The following RELN variants were observed in gnomAD, a reference collection of about 807,000 sequenced individuals.
The protein encoded by RELN is reelin.
A neutral mutation model predicts 427.6 loss-of-function variants in RELN; 108 were observed. The ratio of observed to expected loss-of-function variants is 0.25; its 90% confidence interval spans 0.22 to 0.30. The LOEUF (loss-of-function observed/expected upper bound fraction) is 0.30, where lower values mean the gene tolerates loss of function less well. Among genes scored for constraint, RELN ranks in the 10% least tolerant of loss-of-function variants. The pLI is 1.00. For missense variants in RELN, 3,715 were observed against 4,302.8 expected, an observed-to-expected ratio of 0.86 and a Z score of 3.82; for synonymous variants, 1,524 against 1,513.4, an observed-to-expected ratio of 1.01 and a Z score of -0.16.
intron 6 of RELN, among the ~76,000 whole-genome samples, chr7:103,729,648 A>T (rs1224455322): frequency 6.6e-6 from 1 of 152,214 alleles, no homozygotes; most frequent in Non-Finnish European, 1.5e-5. Context: ...CAACAGCAGT[A>T]GCTTCGTAAG....
chr7:103,746,649 A>G (rs1191023664), intron 6 of RELN, among the ~76,000 whole-genome samples: 9 of 152,232 alleles, frequency 5.9e-5, no homozygotes, highest in Admixed American at 2.0e-4. Flanking sequence ...TGCAGCCAAC[A>G]GATACATGAA....
chr7:103,685,131 C>T (rs1833738037), intron 10 of RELN, among the ~76,000 whole-genome samples: 1 of 152,144 alleles, frequency 6.6e-6, no homozygotes, highest in African/African-American at 2.4e-5. Flanking sequence ...TCTGATGCCA[C>T]TTTTCTTACA....
intron 1 of RELN, among the ~76,000 whole-genome samples, chr7:103,929,839 G>C (rs993369118): frequency 6.6e-6 from 1 of 152,230 alleles, no homozygotes; most frequent in Non-Finnish European, 1.5e-5. Flanking sequence ...ACAAGCATTT[G>C]ACTTCAACGC....
chr7:103,709,597 A>G (rs1789739860), intron 8 of RELN, among the ~76,000 whole-genome samples: 1 of 152,220 alleles, frequency 6.6e-6, no homozygotes, highest in Admixed American at 6.5e-5. Flanking sequence ...AGCCTCTACT[A>G]CTACCCATGG....
At chr7:103,479,598 T>G (rs1828159067) in intron 63 of RELN, among the ~76,000 whole-genome samples, 1 of 152,210 alleles carries the variant, frequency 6.6e-6, no homozygotes. Context: ...AGAGACTGCT[T>G]GTTAAATGCT....
chr7:103,736,248 T>C (rs961430191), intron 6 of RELN, among the ~76,000 whole-genome samples: 1 of 152,202 alleles, frequency 6.6e-6, no homozygotes, highest in Non-Finnish European at 1.5e-5. Flanking sequence ...TTTTACAATA[T>C]AGCTGTTTTA....
intron 52 of RELN, among the ~76,000 whole-genome samples, chr7:103,501,191 A>G (rs1222178719): frequency 6.6e-6 from 1 of 152,222 alleles, no homozygotes; most frequent in Non-Finnish European, 1.5e-5. Flanking sequence ...AATAAATAGA[A>G]ATATTTAAAT....
In RELN at chr7:103,833,735, T is replaced by A. The variant is rs1793330890; in HGVS notation, c.338-63A>T. The A allele has an allele frequency of 1.0e-5, 15 of 1,469,186 alleles. No homozygotes were observed. The South Asian group carries it at 1.8e-4, about 17-fold the overall frequency. The allele number at this position is 1,469,186 out of a possible 1,614,324, so 91.0% of individuals were successfully genotyped here. On this transcript the variant is annotated intron_variant, in intron 2 of 64. Transcript: ENST00000428762. ...AAACAAAGATCTTCCTATCATGGCATCACAGTATTTTCTGAATATTTTTCT... is the reference window on the plus strand; with the variant it reads ...AAACAAAGATCTTCCTATCATGGCAACACAGTATTTTCTGAATATTTTTCT...
chr7:103,964,051 T>C (rs748588113), intron 1 of RELN, among the ~76,000 whole-genome samples: 1 of 151,940 alleles, frequency 6.6e-6, no homozygotes. Flanking sequence ...CCCAGCTACA[T>C]GAGAGGCTAA....
At chr7:103,499,129 C>G (rs1395164573) in intron 53 of RELN, among the ~76,000 whole-genome samples, 1 of 152,102 alleles carries the variant, frequency 6.6e-6, no homozygotes, top group African/African-American at 2.4e-5. Flanking sequence ...CTATATAAGT[C>G]AAAAGAAAGT....
chr7:103,798,526 G>T (rs1486636647), intron 3 of RELN, among the ~76,000 whole-genome samples: 1 of 152,048 alleles, frequency 6.6e-6, no homozygotes. Flanking sequence ...AGAATATAGC[G>T]GTTTGGCCTG....
intron 3 of RELN, among the ~76,000 whole-genome samples, chr7:103,804,747 CCTTAAT>C (rs1792555015): frequency 6.6e-6 from 1 of 152,078 alleles, no homozygotes; most frequent in African/African-American, 2.4e-5. Context: ...AAATCAAACT[CCTTAAT>C]CTTAAATATT....
At chr7:103,796,598 G>C (rs1236317755) in intron 3 of RELN, among the ~76,000 whole-genome samples, 1 of 152,148 alleles carries the variant, frequency 6.6e-6, no homozygotes, top group Non-Finnish European at 1.5e-5. Flanking sequence ...TCTGGGTGTG[G>C]TGACGAACGA....
intron 2 of RELN, among the ~76,000 whole-genome samples, chr7:103,872,059 TATTTA>T (rs1331859734): frequency 1.4e-5 from 2 of 144,618 alleles, no homozygotes; most frequent in South Asian, 2.1e-4. Context: ...TTTCTTTTTT[TATTTA>T]TTTATTTTTT....
chr7:103,780,495 C>T (rs1791861414), intron 3 of RELN, among the ~76,000 whole-genome samples: 1 of 152,164 alleles, frequency 6.6e-6, no homozygotes, highest in Non-Finnish European at 1.5e-5. Flanking sequence ...TACTTCATCA[C>T]CCAGGTACTA....
At chr7:103,582,425 C>T (rs1043323258) in intron 28 of RELN, among the ~76,000 whole-genome samples, 6 of 152,182 alleles carry the variant, frequency 3.9e-5, no homozygotes, top group African/African-American at 1.4e-4. Flanking sequence ...AAGGCATTTG[C>T]ATATCATTTT....
intron 1 of RELN, among the ~76,000 whole-genome samples, chr7:103,926,635 T>TTTG (rs1795745526): frequency 4.5e-5 from 1 of 22,314 alleles, no homozygotes; most frequent in African/African-American, 3.0e-4. Flanking sequence ...AAGTTTTTTT[T>TTTG]TTTTTTTTTT....
intron 44 of RELN, chr7:103,539,633 G>C: frequency 2.3e-6 from 1 of 426,324 alleles, no homozygotes; most frequent in Non-Finnish European, 4.3e-6. Context: ...GCTTATGTGT[G>C]ATTATTTTCC....
At chr7:103,521,134 G>A (rs977183737) in intron 48 of RELN, among the ~76,000 whole-genome samples, 1 of 150,056 alleles carries the variant, frequency 6.7e-6, no homozygotes, top group Non-Finnish European at 1.5e-5. Flanking sequence ...CCGCCACCGC[G>A]CCCGGCTAAT....
Sources: gnomAD v4.1 joint callset for allele counts (sites outside exome capture counted in the v4.1 genomes callset) on GRCh38, gnomAD v4.1.1 for gene constraint, MANE v1.5 for transcripts, NCBI Gene and HGNC (gene_info 2026-07-23, HGNC 2026-07-21) for gene names.